The following KCNA2 variants were observed in gnomAD, a reference collection of about 807,000 sequenced individuals.
KCNA2 encodes the protein potassium voltage-gated channel subfamily A member 2.
Under a neutral mutation model 33.4 loss-of-function variants are expected in KCNA2, and 11 were observed. The observed-to-expected ratio is 0.33, with a 90% CI of 0.21 to 0.55. KCNA2 has a LOEUF of 0.55. Among genes scored for constraint, KCNA2 ranks in the 20% least tolerant of loss-of-function variants. The pLI is 0.93. For synonymous variants in KCNA2, 222 were observed against 231.3 expected (o/e 0.96, Z 0.37); for missense variants, 291 against 621.6 (o/e 0.47, Z 5.66).
intron 1 of KCNA2, among the ~76,000 whole-genome samples, chr1:110,619,703 A>G (rs147102155): frequency 2.0e-4 from 30 of 152,332 alleles, no homozygotes; most frequent in African/African-American, 7.0e-4. Flanking sequence ...CCTAAGAGAT[A>G]AAAGGTCAGG....
rs1649533155 is a variant in KCNA2 at position 110,604,943 on chromosome 1, TG to T, written c.-162del. The T allele has an allele frequency of 1.5e-6, 1 of 674,902 alleles. No individual in the cohort carries two copies. Among genetic ancestry groups the T allele is most frequent in the Non-Finnish European group, 2.5e-6 (1 of 394,678 alleles). The allele number at this position is 674,902 out of a possible 1,614,324, so 41.8% of individuals were successfully genotyped here. On this transcript the variant is annotated splice_region_variant and 5_prime_UTR_variant, in exon 3 of 3. Coordinates refer to ENST00000316361, the MANE Select transcript of KCNA2 (RefSeq NM_004974.4). This position sits in a 1 kb window ranked among gnomAD's most constrained non-coding sequence, Gnocchi z 7.6. ...TGAGAGCTGGAGAGACAGCCTCGCT[TG>T]GCTGAAAGACAGAGGCAGTTATTGA...
Position 110,597,670 on chromosome 1 carries a change from G to A in KCNA2, c.*5613C>T, listed in dbSNP as rs1570746820. 5.1e-6 allele frequency: 5 copies of A among 985,448 alleles called. No homozygotes were observed. In the South Asian group the frequency reaches 2.3e-4, roughly 46 times the overall value. The allele number at this position is 985,448 out of a possible 1,614,324, so 61.0% of individuals were successfully genotyped here. A position where few individuals can be genotyped will look rare whatever the true frequency, so the allele number is the denominator to read the frequency against. On this transcript the variant is annotated 3_prime_UTR_variant, in exon 3 of 3. Coordinates refer to ENST00000316361, the MANE Select transcript of KCNA2 (RefSeq NM_004974.4). Reference sequence around the variant, plus strand: ...CACGTGGGAAGAAGAAGAAACTACAGAGACTGTGAATGAGCCCCCAGAAGT... The same window carrying A: ...CACGTGGGAAGAAGAAGAAACTACAAAGACTGTGAATGAGCCCCCAGAAGT...
Position 110,603,941 on chromosome 1 carries a change from G to A in KCNA2, c.842C>T (p.Ala281Val). 6.2e-7 allele frequency: 1 copy of A among 1,614,210 alleles called. No homozygotes were observed. The highest frequency in any genetic ancestry group is 2.2e-5 in the East Asian group (1 of 44,878). Residue 281 changes from alanine to valine, a missense_variant, in exon 3 of 3, where the codon GCT becomes GTT. This residue lies in a region of KCNA2 where 43 missense variants were observed against 159.4 expected (regional missense o/e 0.27). Transcript: ENST00000316361. The surrounding 1 kb of genome is among the most constrained non-coding windows in gnomAD (Gnocchi z 5.7). ...GTELAEKPEDAQQGQQAMSLA... is the reference protein window; with the variant it reads ...GTELAEKPEDVQQGQQAMSLA... ...TGACATGGCCTGCTGGCCTTGCTGAGCGTCCTCTGGCTTCTCAGCCAACTC... is the reference window on the plus strand; with the variant it reads ...TGACATGGCCTGCTGGCCTTGCTGAACGTCCTCTGGCTTCTCAGCCAACTC...
At chr1:110,615,711 C>T (rs1271603663) in intron 1 of KCNA2, among the ~76,000 whole-genome samples, 2 of 152,228 alleles carry the variant, frequency 1.3e-5, no homozygotes, top group African/African-American at 4.8e-5. Flanking sequence ...CTAAATCATC[C>T]TGGCATTCCT....
At chr1:110,626,286 T>A (rs577389992) in intron 1 of KCNA2, among the ~76,000 whole-genome samples, 10 of 152,040 alleles carry the variant, frequency 6.6e-5, no homozygotes, top group Non-Finnish European at 1.2e-4. Context: ...GAAGCAGGAG[T>A]ATTTCTATGT....
At position 110,600,967 on chromosome 1, in the gene KCNA2, A is replaced by G. The variant is rs1388594211; in HGVS notation, c.*2316T>C. The G allele has an allele frequency of 3.0e-6, 3 of 985,392 alleles. No homozygotes were observed. In the East Asian group the frequency reaches 3.4e-4, roughly 112 times the overall value. 61.0% of individuals were successfully genotyped at this position (985,392 alleles called of 1,614,324 possible). ...CACCCCTGCATAGCCCGACCCCTGC[A>G]ATTCACTGTTTGGGAAAATTAAGCT... On this transcript the variant is annotated 3_prime_UTR_variant, in exon 3 of 3. Transcript: ENST00000316361.
At chr1:110,614,064 C>T (rs1649972228) in intron 1 of KCNA2, among the ~76,000 whole-genome samples, 1 of 152,212 alleles carries the variant, frequency 6.6e-6, no homozygotes, top group Admixed American at 6.5e-5. Context: ...AGCTTTCACT[C>T]AGGCGTCCCA....
At chr1:110,626,786 CAGACT>C (rs1425243580) in intron 1 of KCNA2, among the ~76,000 whole-genome samples, 2 of 152,180 alleles carry the variant, frequency 1.3e-5, no homozygotes, top group Non-Finnish European at 2.9e-5. Flanking sequence ...CCAGCCAGAC[CAGACT>C]GGTTCTGGTT....
At position 110,598,617 on chromosome 1, in the gene KCNA2, T is replaced by C. The variant is rs910812142; in HGVS notation, c.*4666A>G. ...CCCAGGCTGGGGTCTCAGGCCATCA[T>C]AGCTTCCATGGGAGCCCTTTCCATA... On this transcript the variant is annotated 3_prime_UTR_variant, in exon 3 of 3. Coordinates refer to ENST00000316361, the MANE Select transcript of KCNA2 (RefSeq NM_004974.4). The C allele has an allele frequency of 7.1e-6, 7 of 985,218 alleles. No homozygotes were observed. Among genetic ancestry groups the C allele is most frequent in the Admixed American group, 1.2e-4 (2 of 16,252 alleles). 61.0% of individuals were successfully genotyped at this position (985,218 alleles called of 1,614,324 possible).
rs35728918 is a variant in KCNA2, at chr1:110,601,794, A to ATG, written c.*1487_*1488dup. On this transcript the variant is annotated 3_prime_UTR_variant, in exon 3 of 3. Coordinates refer to ENST00000316361, the MANE Select transcript of KCNA2 (RefSeq NM_004974.4). The stretch of plus-strand genomic sequence containing the variant: ...AGAAAATGAATATATATATATATAT[A>ATG]TGTGTGTGTGTGTGTGTGTGTGTGT... The ATG allele has an allele frequency of 0.13, 109,728 of 813,098 alleles. 1,641 individuals are homozygous for ATG. Among genetic ancestry groups the ATG allele is most frequent in the Non-Finnish European group, 0.15 (94,865 of 648,462 alleles). The allele number at this position is 813,098 out of a possible 1,614,324, so 50.4% of individuals were successfully genotyped here.
intron 1 of KCNA2, among the ~76,000 whole-genome samples, chr1:110,621,452 AAGG>A (rs1161247556): frequency 2.0e-5 from 3 of 152,242 alleles, no homozygotes; most frequent in Non-Finnish European, 1.5e-5. Context: ...AAACTAGAAA[AAGG>A]AGAGCAAGTG....
chr1:110,609,853 A>G (rs1474974861), upstream of KCNA2, among the ~76,000 whole-genome samples: 2 of 152,352 alleles, frequency 1.3e-5, no homozygotes, highest in East Asian at 3.8e-4. Context: ...CCCGGCACTA[A>G]CACTTGCTAG....
At position 110,598,852 on chromosome 1, in the gene KCNA2, G is replaced by T; in HGVS notation, c.*4431C>A. ...TTAATTAAATGTTGGCTCCTAAAAA[G>T]TTTACTCTGAAATTTGACCCACTCA... On this transcript the variant is annotated 3_prime_UTR_variant, in exon 3 of 3. Transcript: ENST00000316361. 1 of 985,354 alleles carries T rather than the reference G, an allele frequency of 1.0e-6. No individual in the cohort carries two copies. The highest frequency in any genetic ancestry group is 1.2e-6 in the Non-Finnish European group (1 of 829,914). The allele number at this position is 985,354 out of a possible 1,614,324, so 61.0% of individuals were successfully genotyped here.
rs1649123630 is a variant in KCNA2 at position 110,596,989 on chromosome 1, C to T, written c.*6294G>A. On this transcript the variant is annotated 3_prime_UTR_variant, in exon 3 of 3. Transcript: ENST00000316361. ...GTGTGCAAATATTTGTGCAGCTGCA[C>T]ACTCTAGCGGGTGGTAGAGTCTTTA... The T allele has an allele frequency of 5.1e-6, 5 of 985,446 alleles. 1 individual carries two copies. In the South Asian group the frequency reaches 2.3e-4, roughly 46 times the overall value. 61.0% of individuals were successfully genotyped at this position (985,446 alleles called of 1,614,324 possible).
chr1:110,612,878 G>A (rs954427736), intron 1 of KCNA2, among the ~76,000 whole-genome samples: 9 of 152,230 alleles, frequency 5.9e-5, no homozygotes, highest in Admixed American at 5.9e-4. Context: ...GACAGGTCAG[G>A]TTAAGACTTG....
Position 110,602,693 on chromosome 1 carries a change from T to G in KCNA2, c.*590A>C. 1.0e-6 allele frequency: 1 copy of G among 993,184 alleles called. No homozygotes were observed. 61.5% of individuals were successfully genotyped at this position (993,184 alleles called of 1,614,324 possible). A position where few individuals can be genotyped will look rare whatever the true frequency, so the allele number is the denominator to read the frequency against. Reference sequence around the variant, plus strand: ...TCGACACTGCAGAGAAAAAGCAGAATGCAGCATTTTCCGTTATGAAACACA... The same window carrying G: ...TCGACACTGCAGAGAAAAAGCAGAAGGCAGCATTTTCCGTTATGAAACACA... On this transcript the variant is annotated 3_prime_UTR_variant, in exon 3 of 3. Coordinates refer to ENST00000316361, the MANE Select transcript of KCNA2 (RefSeq NM_004974.4).
chr1:110,595,512 C>G lies in KCNA2; in HGVS notation c.*7771G>C. 1.0e-6 allele frequency: 1 copy of G among 985,380 alleles called. No individual in the cohort carries two copies. The highest frequency in any genetic ancestry group is 1.2e-6 in the Non-Finnish European group (1 of 829,940). The allele number at this position is 985,380 out of a possible 1,614,324, so 61.0% of individuals were successfully genotyped here. Reference sequence around the variant, plus strand: ...TGCACCACTTCAATTGCTCCAGATACAGTGAAAAATCCCTCCCACTCCCAT... The same window carrying G: ...TGCACCACTTCAATTGCTCCAGATAGAGTGAAAAATCCCTCCCACTCCCAT... On this transcript the variant is annotated 3_prime_UTR_variant, in exon 3 of 3. Coordinates refer to ENST00000316361, the MANE Select transcript of KCNA2 (RefSeq NM_004974.4).
At chr1:110,615,826 C>A (rs977183602) in intron 1 of KCNA2, among the ~76,000 whole-genome samples, 1 of 152,104 alleles carries the variant, frequency 6.6e-6, no homozygotes, top group Non-Finnish European at 1.5e-5. Flanking sequence ...GACAGAGGGT[C>A]GGGGCGCCTG....
At chr1:110,617,223 A>G (rs1424939926) in intron 1 of KCNA2, among the ~76,000 whole-genome samples, 1 of 152,214 alleles carries the variant, frequency 6.6e-6, no homozygotes, top group African/African-American at 2.4e-5. Flanking sequence ...AGCTTAATAC[A>G]TATTTGTGAG....
Sources: gnomAD v4.1 joint callset for allele counts (sites outside exome capture counted in the v4.1 genomes callset) on GRCh38, gnomAD v4.1.1 for gene constraint, gnomAD v4.1.1 regional missense constraint, Gnocchi (gnomAD v3.1) non-coding constraint, MANE v1.5 for transcripts, NCBI Gene and HGNC (gene_info 2026-07-23, HGNC 2026-07-21) for gene names.